Variants in CIROZ observed in about 807,000 individuals in gnomAD.
CIROZ encodes the protein ciliated left-right organizer protein containing ZP-N domains, also known as ciliated left-right organizer ZP-N domains-containing protein.
the CIROZ span, among the ~76,000 whole-genome samples, chr1:10,972,574 T>TG: frequency 6.6e-6 from 1 of 152,196 alleles, no homozygotes; most frequent in Non-Finnish European, 1.5e-5. Flanking sequence ...ACAAGGCACC[T>TG]GGGCCCTGGA....
At chr1:10,981,700 C>CTTCCTTGT in the CIROZ span, among the ~76,000 whole-genome samples, 1 of 152,120 alleles carries the variant, frequency 6.6e-6, no homozygotes, top group Non-Finnish European at 1.5e-5. Context: ...TAAGGACCCT[C>CTTCCTTGT]TAGGACAAGG....
At chr1:10,978,059 C>T in the CIROZ span, among the ~76,000 whole-genome samples, 1 of 151,818 alleles carries the variant, frequency 6.6e-6, no homozygotes, top group Non-Finnish European at 1.5e-5. Context: ...ATCCCAGCTA[C>T]TCAGGAGGCT....
the CIROZ span, among the ~76,000 whole-genome samples, chr1:10,976,639 C>T: frequency 0.059 from 8,884 of 150,850 alleles, 684 homozygotes; most frequent in African/African-American, 0.17. Context: ...CGTGAGCCAC[C>T]GCGTCCCGCC....
the CIROZ span, among the ~76,000 whole-genome samples, chr1:10,979,194 T>C: frequency 6.6e-6 from 1 of 152,218 alleles, no homozygotes; most frequent in African/African-American, 2.4e-5. Context: ...GGTTTCACCA[T>C]GTTGGCCATG....
the CIROZ span, among the ~76,000 whole-genome samples, chr1:10,973,344 G>C: frequency 3.9e-5 from 6 of 152,198 alleles, no homozygotes; most frequent in African/African-American, 1.4e-4. Flanking sequence ...CTGCACTCCA[G>C]CCTGGATGGC....
At chr1:10,966,295 G>T in the CIROZ span, 1 of 1,451,850 alleles carries the variant, frequency 6.9e-7, no homozygotes, top group Non-Finnish European at 9.0e-7. Context: ...TGATATCTGA[G>T]CTCAGGCTTA....
chr1:10,971,577 C>A, the CIROZ span, among the ~76,000 whole-genome samples: 4 of 152,248 alleles, frequency 2.6e-5, no homozygotes, highest in East Asian at 7.7e-4. Context: ...GCTTAAATGT[C>A]ACCTCCTCTG....
the CIROZ span, among the ~76,000 whole-genome samples, chr1:10,969,815 A>C: frequency 6.6e-6 from 1 of 151,966 alleles, no homozygotes; most frequent in East Asian, 1.9e-4. Flanking sequence ...GACTTTAGAG[A>C]GCCTGGAAGG....
chr1:10,965,991 A>G, the CIROZ span, among the ~76,000 whole-genome samples: 536 of 152,236 alleles, frequency 3.5e-3, 6 homozygotes, highest in African/African-American at 0.012. Context: ...CTGAGTACCT[A>G]CTGTGTGCCA....
the CIROZ span, among the ~76,000 whole-genome samples, chr1:10,963,011 T>C: frequency 3.3e-5 from 5 of 151,992 alleles, no homozygotes; most frequent in African/African-American, 1.2e-4. Context: ...TCCCAGCTAC[T>C]TGGGAGGCTG....
At chr1:10,958,850 C>T in the CIROZ span, 1 of 1,270,664 alleles carries the variant, frequency 7.9e-7, no homozygotes, top group South Asian at 1.3e-5. Context: ...ATTACCCCAG[C>T]AGGAGGCCGG....
At chr1:10,959,640 G>A in the CIROZ span, among the ~76,000 whole-genome samples, 1 of 152,190 alleles carries the variant, frequency 6.6e-6, no homozygotes, top group Admixed American at 6.5e-5. This position sits in a 1 kb window ranked among gnomAD's most constrained non-coding sequence, Gnocchi z 4.3. Context: ...GAGCCAGAGT[G>A]GACTGACTCA....
the CIROZ span, among the ~76,000 whole-genome samples, chr1:10,958,938 G>A: frequency 1.3e-5 from 2 of 152,154 alleles, no homozygotes; most frequent in Admixed American, 6.5e-5. Flanking sequence ...AGTGTCAACA[G>A]ACGCAGGGAA....
the CIROZ span, chr1:10,948,957 G>T: frequency 9.6e-7 from 1 of 1,040,816 alleles, no homozygotes; most frequent in Non-Finnish European, 1.3e-6. Context: ...GGGTGCGGTG[G>T]CTCACGACTG....
chr1:10,975,423 A>C, the CIROZ span, among the ~76,000 whole-genome samples: 4 of 150,334 alleles, frequency 2.7e-5, no homozygotes, highest in East Asian at 2.0e-4. Context: ...AAAAAAAAAA[A>C]AAAAAAAACA....
the CIROZ span, among the ~76,000 whole-genome samples, chr1:10,961,724 G>A: frequency 5.3e-5 from 8 of 151,948 alleles, no homozygotes; most frequent in East Asian, 3.9e-4. Context: ...CAGGTGGATC[G>A]GTTGAGGTCA....
chr1:10,971,065 T>C, the CIROZ span, among the ~76,000 whole-genome samples: 2 of 2,888 alleles, frequency 6.9e-4, no homozygotes, highest in East Asian at 9.6e-3. Flanking sequence ...GCGGAAAGAC[T>C]GTGAGCTCAA....
At chr1:10,966,226 C>G in the CIROZ span, 2 of 1,221,572 alleles carry the variant, frequency 1.6e-6, no homozygotes, top group East Asian at 2.6e-5. Context: ...AGGGCAGAGA[C>G]TTCTGGTCTC....
At chr1:10,968,329 A>G in the CIROZ span, among the ~76,000 whole-genome samples, 1 of 152,244 alleles carries the variant, frequency 6.6e-6, no homozygotes, top group Non-Finnish European at 1.5e-5. Flanking sequence ...TAAAGCTCAC[A>G]GTTTCACTTT....
Sources: allele counts gnomAD v4.1 joint callset (sites outside exome capture counted in the v4.1 genomes callset), GRCh38; gene constraint gnomAD v4.1.1; non-coding constraint Gnocchi (gnomAD v3.1); transcripts MANE v1.5; gene names NCBI Gene and HGNC (gene_info 2026-07-23, HGNC 2026-07-21).